Variants in CTBP2 observed in about 807,000 individuals in gnomAD.
The protein encoded by CTBP2 is C-terminal-binding protein 2.
CTBP2 carries 30 observed loss-of-function variants against 80.3 expected under a neutral mutation model. That is an observed-to-expected ratio of 0.37 (90% CI 0.28 to 0.51). CTBP2 has a LOEUF of 0.51. Ranked by LOEUF, CTBP2 falls within the 20% of genes least tolerant of loss-of-function variation. The probability of loss-of-function intolerance (pLI) is 0.93; values close to 1 mark genes in which losing one functional copy is unlikely to be tolerated. For synonymous variants in CTBP2, 594 were observed against 587.4 expected (o/e 1.01, Z -0.16); for missense variants, 1,212 against 1,375.3 (o/e 0.88, Z 1.88).
chr10:125,032,617 C>T (rs561600568), upstream of CTBP2, among the ~76,000 whole-genome samples: 2 of 152,178 alleles, frequency 1.3e-5, no homozygotes, highest in Admixed American at 1.3e-4. Context: ...GCCGCTTAGC[C>T]CCTGACCTGC....
intron 1 of CTBP2, among the ~76,000 whole-genome samples, chr10:125,116,612 C>A (rs990361073): frequency 6.6e-6 from 1 of 152,186 alleles, no homozygotes; most frequent in African/African-American, 2.4e-5. Context: ...TCAGATACCC[C>A]AGGGCAAGCC....
At chr10:125,038,224 A>T (rs1300018521) in intron 3 of CTBP2, among the ~76,000 whole-genome samples, 1 of 152,130 alleles carries the variant, frequency 6.6e-6, no homozygotes, top group Non-Finnish European at 1.5e-5. Flanking sequence ...CCTGTCCACA[A>T]ACTGGTGGGT....
At chr10:125,041,517 C>CA (rs1256044393) in intron 2 of CTBP2, among the ~76,000 whole-genome samples, 1 of 129,750 alleles carries the variant, frequency 7.7e-6, no homozygotes, top group Non-Finnish European at 1.7e-5. Flanking sequence ...CCCCCCCCCC[C>CA]CACCCACAAG....
In CTBP2 at chr10:124,998,133, T is replaced by C. The variant is rs1953900911; in HGVS notation, c.2016A>G (p.Glu672=). The C allele has an allele frequency of 6.2e-7, 1 of 1,611,358 alleles. No homozygotes were observed. The highest frequency in any genetic ancestry group is 1.3e-5 in the African/African-American group (1 of 75,072). The stretch of plus-strand genomic sequence containing the variant: ...GGCAGATGGTAGAGTCCGCTGTCTC[T>C]TCCACGGCTGCAGACGGGATGTTGC... Residue 672 remains glutamate (E), a synonymous_variant, in exon 4 of 9, where the codon GAA becomes GAG. Coordinates refer to ENST00000309035, the MANE Select transcript of CTBP2 (RefSeq NM_022802.3).
At chr10:125,028,888 C>G (rs1387761613), upstream of CTBP2, among the ~76,000 whole-genome samples, 1 of 152,170 alleles carries the variant, frequency 6.6e-6, no homozygotes, top group Non-Finnish European at 1.5e-5. Context: ...GGACTTCAGG[C>G]GCAATAATGC....
intron 4 of CTBP2, chr10:124,996,597 C>T (rs1589940552): frequency 6.6e-6 from 1 of 152,444 alleles, no homozygotes; most frequent in Non-Finnish European, 1.5e-5. Context: ...GGCACAGCTA[C>T]AGGAACGACC....
At chr10:124,990,042 G>GTTTT (rs74920887) in intron 8 of CTBP2, among the ~76,000 whole-genome samples, 1 of 138,872 alleles carries the variant, frequency 7.2e-6, no homozygotes, top group Admixed American at 7.2e-5. Context: ...CTGGCTAATA[G>GTTTT]TTTTTTTTTT....
chr10:125,086,509 G>A (rs1234388008), intron 2 of CTBP2, among the ~76,000 whole-genome samples: 3 of 151,674 alleles, frequency 2.0e-5, no homozygotes, highest in Non-Finnish European at 2.9e-5. Context: ...CAGCTACTTG[G>A]GAGGATGAGG....
intron 1 of CTBP2, among the ~76,000 whole-genome samples, chr10:125,140,154 C>T (rs1336433259): frequency 6.6e-6 from 1 of 152,090 alleles, no homozygotes; most frequent in African/African-American, 2.4e-5. Flanking sequence ...ATGTTTCCAT[C>T]ACACTCGCTG....
In CTBP2 at chr10:125,041,559, G is replaced by C. The variant is rs189394679; in HGVS notation, c.-101-2404C>G. On this transcript the variant is annotated intron_variant, in intron 2 of 10. Coordinates refer to the CTBP2 transcript ENST00000337195. ...TAGGTGAGGCTGACCAGGGAGGCTCGGGCCAGCAATTGTCATTTGCTCAGG... is the reference window on the plus strand; with the variant it reads ...TAGGTGAGGCTGACCAGGGAGGCTCCGGCCAGCAATTGTCATTTGCTCAGG... 6.3e-3 allele frequency among the ~76,000 whole-genome samples: 856 copies of C among 136,040 alleles called. 9 individuals are homozygous for C. The highest frequency in any genetic ancestry group is 0.023 in the African/African-American group (795 of 34,276). The allele number at this position is 136,040 out of a possible 152,430, so 89.2% of individuals were successfully genotyped here. A position where few individuals can be genotyped will look rare whatever the true frequency, so the allele number is the denominator to read the frequency against.
chr10:125,029,820 G>GGCTCTATA, upstream of CTBP2, among the ~76,000 whole-genome samples: 1 of 152,270 alleles, frequency 6.6e-6, no homozygotes, highest in East Asian at 1.9e-4. Flanking sequence ...ATGTAAACAG[G>GGCTCTATA]GCTCTATAGA....
At chr10:125,113,646 C>T (rs895671734) in intron 1 of CTBP2, among the ~76,000 whole-genome samples, 3 of 152,218 alleles carry the variant, frequency 2.0e-5, no homozygotes, top group African/African-American at 4.8e-5. Context: ...TGCACCTTAG[C>T]AATGACTATA....
chr10:125,027,692 T>C lies in CTBP2; in HGVS notation c.68A>G (p.Glu23Gly), dbSNP rs1294461910. Reference sequence around the variant, plus strand: ...GGACTCGGCGTTCTCCCAGGGGCCCTCGTACCACCCAGCAGCATCCCAGCT... The same window carrying C: ...GGACTCGGCGTTCTCCCAGGGGCCCCCGTACCACCCAGCAGCATCCCAGCT... Residue 23 changes from glutamate to glycine, a missense_variant, in exon 1 of 9, where the codon GAG (glutamate) becomes GGG (glycine). Physicochemically the swap from Glu to Gly is moderately conservative, Grantham distance 98 (BLOSUM62 -2). Coordinates refer to ENST00000309035, the MANE Select transcript of CTBP2 (RefSeq NM_022802.3). The C allele has an allele frequency of 1.9e-6, 3 of 1,613,678 alleles. No homozygotes were observed. In the African/African-American group the frequency reaches 4.0e-5, roughly 22 times the overall value.
Position 125,026,349 on chromosome 10 carries a change from G to A in CTBP2, c.1411C>T (p.Pro471Ser). The A allele has an allele frequency of 7.4e-6, 12 of 1,613,862 alleles. No individual in the cohort carries two copies. Among genetic ancestry groups the A allele is most frequent in the Non-Finnish European group, 1.0e-5 (12 of 1,179,926 alleles). Residue 471 changes from proline to serine, a missense_variant, in exon 1 of 9, where the codon CCC becomes TCC. This residue lies in a region of CTBP2 where 848 missense variants were observed against 782.3 expected (regional missense o/e 1.08). Transcript: ENST00000309035. Reference sequence around the variant, plus strand: ...GCTGTTCTGGGGCCTGGGTGAAGGGGGTTTGAGGGGCCCGGGTTAGTCAAG... The same window carrying A: ...GCTGTTCTGGGGCCTGGGTGAAGGGAGTTTGAGGGGCCCGGGTTAGTCAAG...
chr10:125,123,852 C>T (rs1322988628), intron 1 of CTBP2, among the ~76,000 whole-genome samples: 1 of 152,226 alleles, frequency 6.6e-6, no homozygotes, highest in Non-Finnish European at 1.5e-5. Context: ...CTGCCCAGGC[C>T]TCCCAGGGCC....
At chr10:125,114,518 T>C (rs932480463) in intron 1 of CTBP2, among the ~76,000 whole-genome samples, 1 of 152,030 alleles carries the variant, frequency 6.6e-6, no homozygotes, top group African/African-American at 2.4e-5. Flanking sequence ...CAGGACCCCC[T>C]ACCCCACCGC....
chr10:125,070,076 C>T (rs1845232043), intron 2 of CTBP2, among the ~76,000 whole-genome samples: 3 of 151,858 alleles, frequency 2.0e-5, no homozygotes, highest in Non-Finnish European at 4.4e-5. Context: ...ACCGGCTGGG[C>T]ACGGGTGGCT....
chr10:125,076,577 C>T (rs1353962179), intron 2 of CTBP2, among the ~76,000 whole-genome samples: 1 of 152,214 alleles, frequency 6.6e-6, no homozygotes, highest in Non-Finnish European at 1.5e-5. Context: ...GCACCTGGGA[C>T]TTGAGAGGCA....
At position 125,066,808 on chromosome 10, in the gene CTBP2, G is replaced by A. The variant is rs746219044; in HGVS notation, c.-101-27653C>T. On this transcript the variant is annotated intron_variant, in intron 2 of 10. Transcript: ENST00000337195. The surrounding 1 kb of genome is among the most constrained non-coding windows in gnomAD (Gnocchi z 4.1). ...TAACAAAAAAGGAACTAGCCCATGT[G>A]TCGATCAGTAAATGCCTCAGGGTGA... 6.6e-6 allele frequency among the ~76,000 whole-genome samples: 1 copy of A among 152,186 alleles called. No individual in the cohort carries two copies. Among genetic ancestry groups the A allele is most frequent in the Non-Finnish European group, 1.5e-5 (1 of 68,042 alleles).
Sources: allele counts gnomAD v4.1 joint callset (sites outside exome capture counted in the v4.1 genomes callset), GRCh38; gene constraint gnomAD v4.1.1; regional missense constraint gnomAD v4.1.1; non-coding constraint Gnocchi (gnomAD v3.1); transcripts MANE v1.5; gene names NCBI Gene and HGNC (gene_info 2026-07-23, HGNC 2026-07-21).